GRIN2A: variants seen among roughly 807,000 people sequenced by gnomAD.
GRIN2A encodes the protein glutamate receptor ionotropic, NMDA 2A.
Under a neutral mutation model 113.4 loss-of-function variants are expected in GRIN2A, and 22 were observed. That is an observed-to-expected ratio of 0.19 (90% CI 0.14 to 0.28). The LOEUF is 0.28. Among genes scored for constraint, GRIN2A ranks in the 10% least tolerant of loss-of-function variants. GRIN2A has a pLI of 1.00. For synonymous variants in GRIN2A, 827 were observed against 738.4 expected (o/e 1.12, Z -1.94); for missense variants, 1,502 against 1,887.0 (o/e 0.80, Z 3.78).
intron 2 of GRIN2A, among the ~76,000 whole-genome samples, chr16:10,006,531 G>A (rs1044253371): frequency 4.6e-5 from 7 of 152,148 alleles, no homozygotes; most frequent in Non-Finnish European, 1.0e-4. Flanking sequence ...TATTTATGGA[G>A]TACATGAGAT....
chr16:10,038,061 T>C (rs2047067390), intron 2 of GRIN2A, among the ~76,000 whole-genome samples: 1 of 150,394 alleles, frequency 6.6e-6, no homozygotes, highest in African/African-American at 2.5e-5. Context: ...ACAAAACACA[T>C]AAACTGCGCG....
At chr16:10,099,406 T>C (rs897508153) in intron 2 of GRIN2A, among the ~76,000 whole-genome samples, 1 of 152,100 alleles carries the variant, frequency 6.6e-6, no homozygotes, top group Non-Finnish European at 1.5e-5. Flanking sequence ...GTCTCTGGAG[T>C]GCCTAGATTC....
chr16:10,103,254 AG>A (rs2048434068), intron 2 of GRIN2A, among the ~76,000 whole-genome samples: 1 of 152,228 alleles, frequency 6.6e-6, no homozygotes, highest in African/African-American at 2.4e-5. Flanking sequence ...AAAACAGCTA[AG>A]CTGATGTATC....
At chr16:10,142,300 T>C (rs776158528) in intron 2 of GRIN2A, among the ~76,000 whole-genome samples, 1 of 152,146 alleles carries the variant, frequency 6.6e-6, no homozygotes, top group African/African-American at 2.4e-5. Flanking sequence ...GCAGCTTACA[T>C]TTAGGGAGAC....
chr16:9,875,364 C>T (rs2043343991), intron 4 of GRIN2A, among the ~76,000 whole-genome samples: 2 of 152,096 alleles, frequency 1.3e-5, no homozygotes, highest in African/African-American at 4.8e-5. Flanking sequence ...TCTATTTCTC[C>T]CCCTGTTCCA....
At chr16:10,137,925 G>C (rs2049234584) in intron 2 of GRIN2A, among the ~76,000 whole-genome samples, 1 of 152,150 alleles carries the variant, frequency 6.6e-6, no homozygotes, top group African/African-American at 2.4e-5. Context: ...TGCCTCTGAG[G>C]GGCCAGCTCC....
At chr16:10,028,102 T>C (rs1175493092) in intron 2 of GRIN2A, among the ~76,000 whole-genome samples, 2 of 152,236 alleles carry the variant, frequency 1.3e-5, no homozygotes, top group African/African-American at 4.8e-5. Flanking sequence ...CAGTGACACA[T>C]GTTCTACATA....
intron 2 of GRIN2A, among the ~76,000 whole-genome samples, chr16:10,163,549 C>A (rs189379914): frequency 6.6e-6 from 1 of 152,244 alleles, no homozygotes; most frequent in Admixed American, 6.5e-5. Context: ...TATTTAAAGG[C>A]TGAAATGCTT....
chr16:9,869,159 G>A (rs7203082), intron 4 of GRIN2A, among the ~76,000 whole-genome samples: 33,670 of 152,112 alleles, frequency 0.22, 3,867 homozygotes, highest in Non-Finnish European at 0.24. Flanking sequence ...AGTTAGCCAG[G>A]AGCGGTGGCT....
rs2050256150 is a variant in GRIN2A, at chr16:10,180,909, G to A, written c.-18-480C>T. ...CGGAGCGAACTACAGACCCCGCAGG[G>A]CGTGCGGAGGCGGCACCCAGACCCC... On this transcript the variant is annotated intron_variant, in intron 1 of 12. Coordinates refer to ENST00000330684, the MANE Select transcript of GRIN2A (RefSeq NM_001134407.3). This position sits in a 1 kb window ranked among gnomAD's most constrained non-coding sequence, Gnocchi z 7.0. 1 of 190,208 alleles carries A rather than the reference G, an allele frequency of 5.3e-6. No individual in the cohort carries two copies. The highest frequency in any genetic ancestry group is 5.4e-5 in the Admixed American group (1 of 18,598). 11.8% of individuals were successfully genotyped at this position (190,208 alleles called of 1,614,324 possible).
intron 2 of GRIN2A, among the ~76,000 whole-genome samples, chr16:9,971,718 A>G (rs2045672687): frequency 6.6e-6 from 1 of 152,252 alleles, no homozygotes; most frequent in Non-Finnish European, 1.5e-5. Flanking sequence ...TTAAGAAAAC[A>G]GCAGAAGATA....
chr16:10,174,764 C>A (rs999586743), intron 2 of GRIN2A, among the ~76,000 whole-genome samples: 26 of 150,616 alleles, frequency 1.7e-4, no homozygotes, highest in African/African-American at 6.4e-4. Context: ...ATAGACCAGA[C>A]ACAAATGAAA....
chr16:9,809,519 GC>G, intron 10 of GRIN2A, among the ~76,000 whole-genome samples: 1 of 151,786 alleles, frequency 6.6e-6, no homozygotes. Context: ...GCATTGAGAT[GC>G]CAAGCCAAAG....
intron 2 of GRIN2A, among the ~76,000 whole-genome samples, chr16:10,130,437 C>G (rs1046757754): frequency 1.3e-5 from 2 of 152,210 alleles, no homozygotes; most frequent in Non-Finnish European, 2.9e-5. Context: ...TGTGCCTTTG[C>G]AAACATGATT....
At position 10,149,136 on chromosome 16, in the gene GRIN2A, C is replaced by T. The variant is rs149119630; in HGVS notation, c.414+30862G>A. Among the ~76,000 whole-genome samples the T allele has an allele frequency of 2.7e-3, 415 of 152,126 alleles. 6 individuals carry two copies. In the East Asian group the frequency reaches 0.03, roughly 11 times the overall value. ...TAATGGGTTCAAAAAATAGAAAGAA[C>T]GAATAAGATATGGTATTTGAATGCA... is the stretch of plus-strand genomic sequence containing the variant. On this transcript the variant is annotated intron_variant, in intron 2 of 12. Transcript: ENST00000330684.
intron 2 of GRIN2A, among the ~76,000 whole-genome samples, chr16:10,071,704 G>A (rs2047753357): frequency 6.6e-6 from 1 of 152,100 alleles, no homozygotes; most frequent in South Asian, 2.1e-4. Context: ...GAGCATTTTG[G>A]GCACAGTACC....
chr16:10,152,131 C>A (rs1311825835), intron 2 of GRIN2A, among the ~76,000 whole-genome samples: 1 of 152,182 alleles, frequency 6.6e-6, no homozygotes, highest in Non-Finnish European at 1.5e-5. Flanking sequence ...TAAGGGAGGA[C>A]CTAGGACTGC....
intron 2 of GRIN2A, among the ~76,000 whole-genome samples, chr16:10,029,147 A>T (rs888741336): frequency 5.9e-5 from 9 of 152,088 alleles, no homozygotes; most frequent in Admixed American, 5.2e-4. Flanking sequence ...ATTGGGAGAG[A>T]GAGTCTACAA....
chr16:10,017,736 C>T (rs1036985179), intron 2 of GRIN2A, among the ~76,000 whole-genome samples: 1 of 152,006 alleles, frequency 6.6e-6, no homozygotes, highest in Non-Finnish European at 1.5e-5. Flanking sequence ...TTGGGTGCAA[C>T]ATTTAAGAGG....
Sources: gnomAD v4.1 joint callset for allele counts (sites outside exome capture counted in the v4.1 genomes callset) on GRCh38, gnomAD v4.1.1 for gene constraint, Gnocchi (gnomAD v3.1) non-coding constraint, MANE v1.5 for transcripts, NCBI Gene and HGNC (gene_info 2026-07-23, HGNC 2026-07-21) for gene names.